Variants in BARX2 observed in about 807,000 individuals in gnomAD.
The protein encoded by BARX2 is BARX homeobox 2, also known as homeobox protein BarH-like 2.
BARX2 carries 11 observed loss-of-function variants against 25.5 expected under a neutral mutation model. The ratio of observed to expected loss-of-function variants is 0.43; its 90% CI spans 0.27 to 0.71. The LOEUF (loss-of-function observed/expected upper bound fraction) is 0.71. Among genes scored for constraint, BARX2 ranks in the 30% least tolerant of loss-of-function variants. The pLI is 0.19. For missense variants in BARX2, 360 were observed against 359.9 expected (o/e 1.00, Z 0.00); for synonymous variants, 137 against 149.5 (o/e 0.92, Z 0.61).
chr11:129,425,958 C>T lies in BARX2; in HGVS notation c.188-10793C>T, dbSNP rs114065891. On this transcript the variant is annotated intron_variant, in intron 1 of 3. Transcript: ENST00000281437. ...TATGGATTTTAGAATAAATTTATTC[C>T]GTGTTTCTAATTCATTTACATTTAA... 5.3e-3 allele frequency among the ~76,000 whole-genome samples: 779 copies of T among 148,122 alleles called. 3 individuals carry two copies. Among genetic ancestry groups the T allele is most frequent in the African/African-American group, 0.018 (731 of 40,262 alleles).
chr11:129,377,407 A>G lies in BARX2; in HGVS notation c.187+1185A>G, dbSNP rs7947698. Reference sequence around the variant, plus strand: ...TCTTTTAAAACCAAATTGTTCCTACATGTATTTGGTTGTAAAATGTATACT... The same window carrying G: ...TCTTTTAAAACCAAATTGTTCCTACGTGTATTTGGTTGTAAAATGTATACT... On this transcript the variant is annotated intron_variant, in intron 1 of 3. Coordinates refer to ENST00000281437, the MANE Select transcript of BARX2 (RefSeq NM_003658.5). Among the ~76,000 whole-genome samples, 812 of 152,354 alleles carry G rather than the reference A, an allele frequency of 5.3e-3. 5 individuals are homozygous for G. Among genetic ancestry groups the G allele is most frequent in the African/African-American group, 0.019 (787 of 41,582 alleles).
At chr11:129,425,182 A>G (rs988781533) in intron 1 of BARX2, among the ~76,000 whole-genome samples, 2 of 152,250 alleles carry the variant, frequency 1.3e-5, no homozygotes, top group African/African-American at 4.8e-5. Flanking sequence ...TCAACAAAGC[A>G]TGGAGTTAAG....
chr11:129,440,616 T>C (rs1408977628), intron 2 of BARX2, among the ~76,000 whole-genome samples: 2 of 152,236 alleles, frequency 1.3e-5, no homozygotes, highest in African/African-American at 4.8e-5. Context: ...TCTACAGGGA[T>C]GACCAGAGGG....
At chr11:129,431,041 T>C (rs893788666) in intron 1 of BARX2, among the ~76,000 whole-genome samples, 3 of 152,172 alleles carry the variant, frequency 2.0e-5, no homozygotes, top group African/African-American at 7.2e-5. Flanking sequence ...TTTGTATTTT[T>C]AGTAGAGACA....
At chr11:129,422,033 A>G (rs1862009881) in intron 1 of BARX2, among the ~76,000 whole-genome samples, 1 of 152,104 alleles carries the variant, frequency 6.6e-6, no homozygotes, top group Non-Finnish European at 1.5e-5. Context: ...ACTTGGTTAG[A>G]TCTTCCTGAA....
rs114771119 is a variant in BARX2, at chr11:129,409,201, C to T, written c.188-27550C>T. Among the ~76,000 whole-genome samples, 510 of 152,324 alleles carry T rather than the reference C, an allele frequency of 3.3e-3. 4 individuals are homozygous for T. The highest frequency in any genetic ancestry group is 0.011 in the African/African-American group (473 of 41,576). On this transcript the variant is annotated intron_variant, in intron 1 of 3. Transcript: ENST00000281437. ...CAAATGTCAGCATGCTCTGAAATTT[C>T]ATGTTCTCTCAGGCGAGCGATTCAT...
intron 1 of BARX2, among the ~76,000 whole-genome samples, chr11:129,405,323 C>G (rs1861819046): frequency 6.6e-6 from 1 of 152,160 alleles, no homozygotes; most frequent in Non-Finnish European, 1.5e-5. Context: ...AAACCAAACT[C>G]ATCACCTTTC....
In BARX2 at chr11:129,441,534, C is replaced by T. The variant is rs572661303; in HGVS notation, c.489-1301C>T. On this transcript the variant is annotated intron_variant, in intron 2 of 3. Transcript: ENST00000281437. ...CGCCATCTCGGCTCACTGCAACCTC[C>T]GCCTCCCAGGTTCAAGCACTTCTCT... Among the ~76,000 whole-genome samples, 199 of 152,294 alleles carry T rather than the reference C, an allele frequency of 1.3e-3. 1 individual carries two copies. The highest frequency in any genetic ancestry group is 4.5e-3 in the African/African-American group (185 of 41,564).
At chr11:129,383,698 C>T (rs1861590976) in intron 1 of BARX2, among the ~76,000 whole-genome samples, 1 of 152,160 alleles carries the variant, frequency 6.6e-6, no homozygotes, top group Non-Finnish European at 1.5e-5. Context: ...GGTCAAAAGA[C>T]GACTGAAGAG....
At chr11:129,401,955 CAA>C (rs397825103) in intron 1 of BARX2, among the ~76,000 whole-genome samples, 30 of 104,668 alleles carry the variant, frequency 2.9e-4, no homozygotes, top group Admixed American at 5.4e-4. Context: ...GACTCTGTCT[CAA>C]AAAAAAAAAA....
chr11:129,423,368 G>T (rs1022686861), intron 1 of BARX2, among the ~76,000 whole-genome samples: 2 of 152,128 alleles, frequency 1.3e-5, no homozygotes, highest in African/African-American at 4.8e-5. Context: ...ACCCACCTTG[G>T]CCTCCCAAAG....
At chr11:129,405,058 C>T (rs1423463833) in intron 1 of BARX2, among the ~76,000 whole-genome samples, 2 of 152,140 alleles carry the variant, frequency 1.3e-5, no homozygotes, top group South Asian at 2.1e-4. Context: ...TTGTGACCAC[C>T]GCTTGATCTG....
At chr11:129,411,701 G>A (rs1188992309) in intron 1 of BARX2, among the ~76,000 whole-genome samples, 3 of 152,230 alleles carry the variant, frequency 2.0e-5, no homozygotes, top group African/African-American at 7.2e-5. Flanking sequence ...GCTGGGAGCT[G>A]AGCTACTTCT....
chr11:129,448,586 C>T (rs577364125), intron 3 of BARX2, among the ~76,000 whole-genome samples: 1 of 152,302 alleles, frequency 6.6e-6, no homozygotes, highest in Non-Finnish European at 1.5e-5. Context: ...ATACCACTTC[C>T]CACCCTCTAG....
chr11:129,381,405 T>TG (rs1308301034), intron 1 of BARX2, among the ~76,000 whole-genome samples: 3 of 152,154 alleles, frequency 2.0e-5, no homozygotes, highest in Admixed American at 6.5e-5. Context: ...TTTGTTTGTT[T>TG]GTTGTTGTTT....
chr11:129,384,478 G>A (rs984996466), intron 1 of BARX2, among the ~76,000 whole-genome samples: 1 of 152,124 alleles, frequency 6.6e-6, no homozygotes, highest in Admixed American at 6.6e-5. Flanking sequence ...TTCACTCGGT[G>A]AATTAACCAT....
intron 1 of BARX2, among the ~76,000 whole-genome samples, chr11:129,401,218 T>C (rs2135393016): frequency 6.6e-6 from 1 of 152,316 alleles, no homozygotes; most frequent in Non-Finnish European, 1.5e-5. Context: ...AATATAGTCT[T>C]GCAAGAAACT....
At chr11:129,389,252 G>C (rs1861644326) in intron 1 of BARX2, among the ~76,000 whole-genome samples, 2 of 152,186 alleles carry the variant, frequency 1.3e-5, no homozygotes, top group South Asian at 2.1e-4. Context: ...CCTCATCACT[G>C]AAGTACAACC....
At chr11:129,428,914 A>G (rs767219571) in intron 1 of BARX2, among the ~76,000 whole-genome samples, 1 of 152,032 alleles carries the variant, frequency 6.6e-6, no homozygotes, top group Non-Finnish European at 1.5e-5. Flanking sequence ...TTAGAGCGGA[A>G]TTTGCATCAG....
Sources: allele counts gnomAD v4.1 joint callset (sites outside exome capture counted in the v4.1 genomes callset), GRCh38; gene constraint gnomAD v4.1.1; transcripts MANE v1.5; gene names NCBI Gene and HGNC (gene_info 2026-07-23, HGNC 2026-07-21).